Variants in CDH13 observed in about 807,000 individuals in gnomAD.
The protein encoded by CDH13 is cadherin-13.
In CDH13, 24 loss-of-function variants were observed where a neutral mutation model predicts 63.8. The observed-to-expected ratio is 0.38, with a 90% CI of 0.27 to 0.53. CDH13 has a LOEUF of 0.53. Ranked by LOEUF, CDH13 falls within the 20% of genes least tolerant of loss-of-function variation. The pLI, the probability that CDH13 is intolerant of heterozygous loss-of-function variation, is 0.85. For missense variants in CDH13, 1,049 were observed against 903.1 expected, an observed-to-expected ratio of 1.16 and a Z score of -2.07; for synonymous variants, 503 against 355.3, an observed-to-expected ratio of 1.42 and a Z score of -4.67.
At chr16:83,168,814 T>G (rs1367983501) in intron 4 of CDH13, among the ~76,000 whole-genome samples, 1 of 152,170 alleles carries the variant, frequency 6.6e-6, no homozygotes, top group African/African-American at 2.4e-5. Context: ...CTTTATTTTC[T>G]GGGAATGTTC....
intron 1 of CDH13, among the ~76,000 whole-genome samples, chr16:82,800,955 C>G (rs1274258042): frequency 6.6e-6 from 1 of 151,938 alleles, no homozygotes; most frequent in Non-Finnish European, 1.5e-5. Context: ...TCTCACTAAA[C>G]AAGGAGAAAA....
At chr16:83,643,816 A>G (rs971384826) in intron 8 of CDH13, among the ~76,000 whole-genome samples, 4 of 152,266 alleles carry the variant, frequency 2.6e-5, no homozygotes, top group African/African-American at 9.6e-5. Context: ...ATAATGTCAA[A>G]CATGTCAACA....
intron 6 of CDH13, among the ~76,000 whole-genome samples, chr16:83,373,904 C>T (rs1425140950): frequency 2.0e-5 from 3 of 152,094 alleles, no homozygotes; most frequent in East Asian, 1.9e-4. Context: ...TACATCCAAC[C>T]GCAGGCAACC....
intron 3 of CDH13, among the ~76,000 whole-genome samples, chr16:83,059,629 A>G (rs2031312611): frequency 6.6e-6 from 1 of 152,106 alleles, no homozygotes; most frequent in Non-Finnish European, 1.5e-5. Flanking sequence ...CTGTTGCATG[A>G]CAAGTCAGTC....
At chr16:82,996,878 A>G (rs1180299524) in intron 2 of CDH13, among the ~76,000 whole-genome samples, 1 of 143,750 alleles carries the variant, frequency 7.0e-6, no homozygotes, top group Non-Finnish European at 1.5e-5. Flanking sequence ...TGATGATTCT[A>G]GTGATGGTGA....
chr16:82,938,969 G>A (rs1567678372), intron 2 of CDH13, among the ~76,000 whole-genome samples: 1 of 152,152 alleles, frequency 6.6e-6, no homozygotes, highest in East Asian at 1.9e-4. Flanking sequence ...CACATACACA[G>A]GAAGATTCAT....
chr16:82,750,657 A>G (rs2034375982), intron 1 of CDH13, among the ~76,000 whole-genome samples: 1 of 152,358 alleles, frequency 6.6e-6, no homozygotes, highest in Admixed American at 6.5e-5. Context: ...TTATAATGAA[A>G]GGGGAAAAAT....
rs183288982 is a variant in CDH13 at position 82,920,008 on chromosome 16, G to T, written c.157+61535G>T. On this transcript the variant is annotated intron_variant, in intron 2 of 13. Transcript: ENST00000567109. Reference sequence around the variant, plus strand: ...AATATCGAGATCAAAATGTGTGTGGGTGGGGTCACGATCTTTGTGTTAGTC... The same window carrying T: ...AATATCGAGATCAAAATGTGTGTGGTTGGGGTCACGATCTTTGTGTTAGTC... Among the ~76,000 whole-genome samples the T allele has an allele frequency of 5.3e-5, 8 of 152,312 alleles. No homozygotes were observed. The Middle Eastern group carries it at 0.01, about 194-fold the overall frequency.
chr16:82,666,732 C>A (rs745539093), intron 1 of CDH13, among the ~76,000 whole-genome samples: 1 of 152,176 alleles, frequency 6.6e-6, no homozygotes. Context: ...TGTTGATACA[C>A]CCATTTTTAG....
chr16:83,305,115 T>G (rs1435921336), intron 5 of CDH13, among the ~76,000 whole-genome samples: 1 of 152,128 alleles, frequency 6.6e-6, no homozygotes, highest in Admixed American at 6.5e-5. Context: ...ACTCTCCTGC[T>G]CTGAAGGGGG....
At chr16:83,312,496 C>G (rs1310918845) in intron 5 of CDH13, among the ~76,000 whole-genome samples, 1 of 152,152 alleles carries the variant, frequency 6.6e-6, no homozygotes, top group African/African-American at 2.4e-5. Context: ...ATTCATGTGC[C>G]CTTTGTTTCT....
At chr16:83,420,659 A>G (rs1010746415) in intron 6 of CDH13, among the ~76,000 whole-genome samples, 1 of 152,238 alleles carries the variant, frequency 6.6e-6, no homozygotes, top group Non-Finnish European at 1.5e-5. Flanking sequence ...TTTATCAGAG[A>G]TAATTCACCC....
intron 1 of CDH13, among the ~76,000 whole-genome samples, chr16:82,841,270 G>A (rs543931371): frequency 5.9e-5 from 9 of 152,328 alleles, no homozygotes; most frequent in East Asian, 3.9e-4. Flanking sequence ...CATATGGGAC[G>A]TGCCAGCCAT....
chr16:82,925,252 T>C (rs965362083), intron 2 of CDH13, among the ~76,000 whole-genome samples: 1 of 152,122 alleles, frequency 6.6e-6, no homozygotes, highest in African/African-American at 2.4e-5. Context: ...ATTAGAGAAA[T>C]GGCCCAGAGA....
chr16:83,379,006 T>TATATATACACACAC (rs540642910), intron 6 of CDH13, among the ~76,000 whole-genome samples: 60 of 149,018 alleles, frequency 4.0e-4, no homozygotes, highest in Non-Finnish European at 7.1e-4. Context: ...TATATATATA[T>TATATATACACACAC]ACACACACAC....
In CDH13 at chr16:83,328,600, T is replaced by C. The variant is rs187260780; in HGVS notation, c.637-16262T>C. On this transcript the variant is annotated intron_variant, in intron 5 of 13. Transcript: ENST00000567109. ...CTCAGAAACAATTTACTAAGCTGGG[T>C]AAGAGATGGTGGCTTGGCTGAGAAG... is the stretch of plus-strand genomic sequence containing the variant. Among the ~76,000 whole-genome samples the C allele has an allele frequency of 2.5e-3, 385 of 152,198 alleles. 1 individual carries two copies. The highest frequency in any genetic ancestry group is 8.1e-3 in the African/African-American group (336 of 41,504).
intron 1 of CDH13, chr16:82,826,067 G>A (rs2038236380): frequency 6.6e-6 from 1 of 152,138 alleles, no homozygotes; most frequent in Non-Finnish European, 1.5e-5. Flanking sequence ...ATGTTGGCCA[G>A]GATGGTCTTG....
At chr16:82,690,744 A>C (rs1037361602) in intron 1 of CDH13, among the ~76,000 whole-genome samples, 1 of 152,262 alleles carries the variant, frequency 6.6e-6, no homozygotes, top group African/African-American at 2.4e-5. Flanking sequence ...ATCCTTATGC[A>C]TGTGTGCACA....
chr16:83,017,135 G>A (rs1012912545), intron 2 of CDH13, among the ~76,000 whole-genome samples: 2 of 152,284 alleles, frequency 1.3e-5, no homozygotes, highest in African/African-American at 4.8e-5. Context: ...ACATTTAGGT[G>A]TTCTTGACTA....
Sources: allele counts gnomAD v4.1 joint callset (sites outside exome capture counted in the v4.1 genomes callset), GRCh38; gene constraint gnomAD v4.1.1; transcripts MANE v1.5; gene names NCBI Gene and HGNC (gene_info 2026-07-23, HGNC 2026-07-21).